Variants in BTBD9 observed in about 807,000 individuals in gnomAD.
BTBD9 encodes the protein BTB/POZ domain-containing protein 9.
Under a neutral mutation model 64.3 loss-of-function variants are expected in BTBD9, and 49 were observed. That is an observed-to-expected ratio of 0.76 (90% CI 0.61 to 0.97). BTBD9 has a LOEUF of 0.97. Among genes scored for constraint, BTBD9 ranks in the 50% least tolerant of loss-of-function variants. BTBD9 has a pLI of 0.00. For missense variants in BTBD9, 598 were observed against 762.1 expected (o/e 0.78, Z 2.53); for synonymous variants, 260 against 274.7 (o/e 0.95, Z 0.53).
rs563283385 is a variant in BTBD9, at chr6:38,440,267, G to A, written c.1155-95174C>T. 4.4e-4 allele frequency among the ~76,000 whole-genome samples: 67 copies of A among 152,310 alleles called. 2 individuals are homozygous for A. The South Asian group carries it at 0.013, about 30-fold the overall frequency. ...AGGCACTTCAGTTTTAGAGGCTGGA[G>A]GAGAAGGAGGAACCGGCAAAACGCA... is the stretch of plus-strand genomic sequence containing the variant. On this transcript the variant is annotated intron_variant, in intron 6 of 10. Coordinates refer to ENST00000481247, the MANE Select transcript of BTBD9 (RefSeq NM_001099272.2).
chr6:38,580,571 T>A, intron 4 of BTBD9, 134 bp from the exon 5 acceptor site: 1 of 746,422 alleles, frequency 1.3e-6, no homozygotes, highest in Non-Finnish European at 2.2e-6. Flanking sequence ...GTTTATTGGA[T>A]AGAAAATACA....
At chr6:38,368,770 G>T (rs1765294554) in intron 6 of BTBD9, among the ~76,000 whole-genome samples, 1 of 152,070 alleles carries the variant, frequency 6.6e-6, no homozygotes, top group African/African-American at 2.4e-5. Flanking sequence ...GCCTACCCAT[G>T]GCCCTCAGGC....
chr6:38,579,317 A>T (rs1207964144), intron 5 of BTBD9, among the ~76,000 whole-genome samples: 1 of 152,188 alleles, frequency 6.6e-6, no homozygotes. Context: ...GGGCATCATC[A>T]TCATTACTAT....
Position 38,192,549 on chromosome 6 carries a change from AC to A in BTBD9, c.1610del (p.Arg537LeufsTer211). On this transcript the variant is annotated frameshift_variant, in exon 10 of 11. Transcript: ENST00000481247. LOFTEE classifies it high-confidence loss of function. Reference sequence around the variant, plus strand: ...TTGCTGTGTTGTGTGTCCCAACGATACGGATGAAGGAGGCAGGCTGCCTTTC... The same window carrying A: ...TTGCTGTGTTGTGTGTCCCAACGATAGGATGAAGGAGGCAGGCTGCCTTTC... The part of the protein sequence containing the change: ...TFERQPASFI[R>X]IVGTHNTANE... 1 of 1,613,956 alleles carries A rather than the reference AC, an allele frequency of 6.2e-7. No individual in the cohort carries two copies. Among genetic ancestry groups the A allele is most frequent in the African/African-American group, 1.3e-5 (1 of 75,018 alleles).
chr6:38,534,825 C>T (rs1455642605), intron 6 of BTBD9, among the ~76,000 whole-genome samples: 3 of 152,076 alleles, frequency 2.0e-5, no homozygotes, highest in African/African-American at 4.8e-5. Context: ...CAACTCCCTT[C>T]ATGAGAAGAA....
intron 6 of BTBD9, among the ~76,000 whole-genome samples, chr6:38,360,046 A>T (rs950957494): frequency 1.3e-5 from 2 of 152,228 alleles, no homozygotes; most frequent in African/African-American, 4.8e-5. Flanking sequence ...TTACAAGACA[A>T]ATATAATTGG....
intron 6 of BTBD9, among the ~76,000 whole-genome samples, chr6:38,404,401 C>T (rs996592760): frequency 6.6e-6 from 1 of 152,106 alleles, no homozygotes; most frequent in Non-Finnish European, 1.5e-5. Context: ...AGTTAGGTAA[C>T]CTTACTTGAT....
chr6:38,608,638 T>C (rs1467502253), intron 1 of BTBD9, among the ~76,000 whole-genome samples: 1 of 152,236 alleles, frequency 6.6e-6, no homozygotes, highest in Non-Finnish European at 1.5e-5. Context: ...ATTTGTAGAA[T>C]GTTATAAAAA....
intron 6 of BTBD9, among the ~76,000 whole-genome samples, chr6:38,532,631 C>T (rs181360073): frequency 1.9e-3 from 284 of 152,206 alleles, no homozygotes; most frequent in African/African-American, 6.4e-3. Context: ...AGTCCTCAGG[C>T]CCCTTTTCCA....
chr6:38,562,543 A>T lies in BTBD9; in HGVS notation c.1154+15057T>A, dbSNP rs142110190. 8.4e-3 allele frequency among the ~76,000 whole-genome samples: 1,273 copies of T among 152,346 alleles called. 15 individuals carry two copies. Among genetic ancestry groups the T allele is most frequent in the Middle Eastern group, 0.017 (5 of 294 alleles). On this transcript the variant is annotated intron_variant, in intron 6 of 10. Transcript: ENST00000481247. ...AATAAACATCTACTACTACTTGCTT[A>T]ATCAATATTAAAGTTTGGTGTGTAT...
intron 10 of BTBD9, among the ~76,000 whole-genome samples, chr6:38,185,976 G>C (rs965206092): frequency 6.6e-5 from 10 of 152,196 alleles, no homozygotes; most frequent in Non-Finnish European, 1.2e-4. Context: ...GATGAACAAG[G>C]CTGCGGTGAC....
intron 6 of BTBD9, among the ~76,000 whole-genome samples, chr6:38,521,922 G>T (rs908733466): frequency 2.0e-5 from 3 of 152,070 alleles, no homozygotes; most frequent in Non-Finnish European, 4.4e-5. Flanking sequence ...TGATCCACCC[G>T]CCTCAGCCTC....
chr6:38,468,196 A>G (rs1036764181), intron 6 of BTBD9, among the ~76,000 whole-genome samples: 3 of 152,172 alleles, frequency 2.0e-5, no homozygotes, highest in Non-Finnish European at 4.4e-5. Context: ...ACATCCTTCT[A>G]AAGCACAGTT....
At chr6:38,623,758 CT>C (rs1778076963) in intron 1 of BTBD9, among the ~76,000 whole-genome samples, 2 of 152,218 alleles carry the variant, frequency 1.3e-5, no homozygotes, top group Non-Finnish European at 2.9e-5. Flanking sequence ...CCTTTGGGCC[CT>C]GTATTTTTAA....
chr6:38,636,215 A>G (rs2127537022), intron 1 of BTBD9, among the ~76,000 whole-genome samples: 1 of 152,342 alleles, frequency 6.6e-6, no homozygotes, highest in South Asian at 2.1e-4. Context: ...AATAAACAGC[A>G]TAACAGAGAT....
chr6:38,212,752 C>A (rs117195727), intron 9 of BTBD9, among the ~76,000 whole-genome samples: 1 of 152,126 alleles, frequency 6.6e-6, no homozygotes, highest in African/African-American at 2.4e-5. Flanking sequence ...CAGCTCCTTT[C>A]AGCCTGTGAG....
At chr6:38,374,276 A>G (rs1309600677) in intron 6 of BTBD9, among the ~76,000 whole-genome samples, 3 of 49,210 alleles carry the variant, frequency 6.1e-5, no homozygotes, top group African/African-American at 3.4e-4. Context: ...GTCGAAAAAA[A>G]AAAAAAGTAT....
chr6:38,285,580 G>C (rs1246843472), intron 8 of BTBD9, among the ~76,000 whole-genome samples: 2 of 152,192 alleles, frequency 1.3e-5, no homozygotes, highest in Non-Finnish European at 2.9e-5. Context: ...CATTAAAAGA[G>C]AGTGGGCAGA....
Position 38,259,536 on chromosome 6 carries a change from G to GGGATTACA in BTBD9, c.1455-3028_1455-3021dup, listed in dbSNP as rs1209983680. ...TCCTGCCTTAGCCTCCCAAGTAGCT[G>GGGATTACA]GGATTACAGGCACACACTACCACAC... On this transcript the variant is annotated intron_variant, in intron 8 of 10. Coordinates refer to ENST00000481247, the MANE Select transcript of BTBD9 (RefSeq NM_001099272.2). Among the ~76,000 whole-genome samples the GGGATTACA allele has an allele frequency of 1.1e-4, 16 of 152,204 alleles. No individual in the cohort carries two copies. In the Middle Eastern group the frequency reaches 0.01, roughly 97 times the overall value.
Sources: gnomAD v4.1 joint callset for allele counts (sites outside exome capture counted in the v4.1 genomes callset) on GRCh38, gnomAD v4.1.1 for gene constraint, MANE v1.5 for transcripts, NCBI Gene and HGNC (gene_info 2026-07-23, HGNC 2026-07-21) for gene names.